The following CNTN5 variants were observed in gnomAD, a reference collection of about 807,000 sequenced individuals.
CNTN5 encodes contactin 5.
In CNTN5, 77 loss-of-function variants were observed where a neutral mutation model predicts 129.1. The observed-to-expected ratio is 0.60, with a 90% CI of 0.50 to 0.72. The LOEUF is 0.72. Ranked by LOEUF, CNTN5 falls within the 30% of genes least tolerant of loss-of-function variation. The pLI, the probability that CNTN5 is intolerant of heterozygous loss-of-function variation, is 0.00. For synonymous variants in CNTN5, 509 were observed against 465.6 expected, an observed-to-expected ratio of 1.09 and a Z score of -1.20; for missense variants, 1,478 against 1,328.8, an observed-to-expected ratio of 1.11 and a Z score of -1.75.
chr11:100,025,636 G>T (rs868280685), intron 9 of CNTN5, among the ~76,000 whole-genome samples: 13 of 152,310 alleles, frequency 8.5e-5, no homozygotes, highest in Middle Eastern at 3.4e-3. Context: ...GGGTGAAGCT[G>T]CCCAACACCA....
At chr11:99,072,913 A>T (rs749044531) in intron 1 of CNTN5, among the ~76,000 whole-genome samples, 7 of 152,068 alleles carry the variant, frequency 4.6e-5, no homozygotes, top group Non-Finnish European at 7.4e-5. Context: ...AAAAATGATC[A>T]CCATTTGACT....
At chr11:99,617,625 T>C (rs1950802010) in intron 3 of CNTN5, among the ~76,000 whole-genome samples, 2 of 152,188 alleles carry the variant, frequency 1.3e-5, no homozygotes, top group Non-Finnish European at 1.5e-5. Context: ...CCTATAGTTC[T>C]AGAGGAGATT....
chr11:99,996,489 C>A (rs1194939866), intron 8 of CNTN5, among the ~76,000 whole-genome samples: 1 of 152,144 alleles, frequency 6.6e-6, no homozygotes, highest in East Asian at 1.9e-4. Flanking sequence ...CTTCACATAT[C>A]CAGATGTCAG....
chr11:99,518,661 G>C (rs1947152354), intron 2 of CNTN5, among the ~76,000 whole-genome samples: 1 of 151,914 alleles, frequency 6.6e-6, no homozygotes, highest in Admixed American at 6.6e-5. Context: ...ATAAGCTTAT[G>C]GTCTTCCATT....
chr11:99,031,167 CA>C (rs1863356631), intron 1 of CNTN5, among the ~76,000 whole-genome samples: 1 of 151,844 alleles, frequency 6.6e-6, no homozygotes, highest in Non-Finnish European at 1.5e-5. Context: ...TATTTTACAG[CA>C]AAAATACAAT....
At chr11:100,221,744 G>T (rs1949270682) in intron 15 of CNTN5, among the ~76,000 whole-genome samples, 1 of 152,076 alleles carries the variant, frequency 6.6e-6, no homozygotes, top group African/African-American at 2.4e-5. Flanking sequence ...AGCACTGGTT[G>T]TGGCAAAATT....
intron 2 of CNTN5, among the ~76,000 whole-genome samples, chr11:99,366,173 T>C (rs893199347): frequency 1.3e-5 from 2 of 152,158 alleles, no homozygotes; most frequent in African/African-American, 4.8e-5. Context: ...ATGATTATTT[T>C]GTTTCTCTGT....
At chr11:99,650,361 T>C (rs949923455) in intron 3 of CNTN5, among the ~76,000 whole-genome samples, 1 of 151,812 alleles carries the variant, frequency 6.6e-6, no homozygotes, top group African/African-American at 2.4e-5. Context: ...GTGGAGTTAG[T>C]TCATTCACCT....
chr11:100,011,083 T>C (rs963234718), intron 9 of CNTN5, among the ~76,000 whole-genome samples: 1 of 152,134 alleles, frequency 6.6e-6, no homozygotes, highest in African/African-American at 2.4e-5. Context: ...AGAAATGTGA[T>C]TGATCTTTCA....
intron 3 of CNTN5, among the ~76,000 whole-genome samples, chr11:99,810,212 AC>A (rs1435395491): frequency 6.6e-6 from 1 of 152,190 alleles, no homozygotes; most frequent in East Asian, 1.9e-4. Context: ...TGTGAATACA[AC>A]TAAGAATTTA....
intron 3 of CNTN5, among the ~76,000 whole-genome samples, chr11:99,784,362 A>AT (rs1945433433): frequency 6.7e-6 from 1 of 150,142 alleles, no homozygotes. Context: ...ATGTGTTCTC[A>AT]TTTTTCACCT....
At chr11:99,971,308 G>T (rs1951244326) in intron 8 of CNTN5, among the ~76,000 whole-genome samples, 1 of 152,106 alleles carries the variant, frequency 6.6e-6, no homozygotes, top group Non-Finnish European at 1.5e-5. Context: ...ACTTTGGGAG[G>T]CCAGGGCAGG....
chr11:99,975,241 G>C (rs1047982997), intron 8 of CNTN5, among the ~76,000 whole-genome samples: 5 of 152,218 alleles, frequency 3.3e-5, no homozygotes, highest in African/African-American at 1.2e-4. Context: ...CCTTGCAGCA[G>C]CATGCTCTGG....
intron 2 of CNTN5, among the ~76,000 whole-genome samples, chr11:99,451,470 T>C (rs187657694): frequency 1.3e-5 from 2 of 152,312 alleles, no homozygotes; most frequent in African/African-American, 4.8e-5. Flanking sequence ...CTTTTAAGTG[T>C]ATTCTGAAAT....
chr11:99,400,171 C>G (rs781503630), intron 2 of CNTN5, among the ~76,000 whole-genome samples: 7 of 151,982 alleles, frequency 4.6e-5, no homozygotes, highest in Non-Finnish European at 8.8e-5. Flanking sequence ...CCTCTACCAC[C>G]CACTACCCTT....
chr11:100,343,539 C>A (rs753623344), intron 23 of CNTN5, among the ~76,000 whole-genome samples: 1 of 152,088 alleles, frequency 6.6e-6, no homozygotes, highest in Non-Finnish European at 1.5e-5. Context: ...CGGGTTTTCA[C>A]AGGGCAGCCA....
intron 16 of CNTN5, among the ~76,000 whole-genome samples, chr11:100,233,353 G>C (rs538112207): frequency 5.9e-5 from 9 of 152,130 alleles, no homozygotes; most frequent in Non-Finnish European, 8.8e-5. Context: ...CTTTGCCTAG[G>C]AGTCAGAGAA....
At chr11:100,184,578 G>A (rs1235116078) in intron 13 of CNTN5, among the ~76,000 whole-genome samples, 1 of 152,092 alleles carries the variant, frequency 6.6e-6, no homozygotes, top group African/African-American at 2.4e-5. Context: ...CATGAACTTG[G>A]AAGCAGCTTC....
intron 13 of CNTN5, among the ~76,000 whole-genome samples, chr11:100,189,327 C>A (rs1396661259): frequency 6.6e-6 from 1 of 150,786 alleles, no homozygotes; most frequent in African/African-American, 2.4e-5. Context: ...GGATCAGGGG[C>A]CGAAAGTACA....
Sources: gnomAD v4.1 joint callset for allele counts (sites outside exome capture counted in the v4.1 genomes callset) on GRCh38, gnomAD v4.1.1 for gene constraint, MANE v1.5 for transcripts, NCBI Gene and HGNC (gene_info 2026-07-23, HGNC 2026-07-21) for gene names.